Variants in MCF2L2 observed in about 807,000 individuals in gnomAD.
The protein encoded by MCF2L2 is MCF.2 cell line derived transforming sequence-like 2, also known as probable guanine nucleotide exchange factor MCF2L2.
MCF2L2 carries 102 observed loss-of-function variants against 150.2 expected under a neutral mutation model. That is an observed-to-expected ratio of 0.68 (90% CI 0.58 to 0.80). The LOEUF (loss-of-function observed/expected upper bound fraction) is 0.80. Ranked by LOEUF, MCF2L2 falls within the 30% of genes least tolerant of loss-of-function variation. The pLI is 0.00. For synonymous variants in MCF2L2, 465 were observed against 491.3 expected (o/e 0.95, Z 0.71); for missense variants, 1,256 against 1,372.8 (o/e 0.91, Z 1.34).
chr3:183,368,699 G>T (rs1433106243), intron 3 of MCF2L2, among the ~76,000 whole-genome samples: 1 of 152,192 alleles, frequency 6.6e-6, no homozygotes, highest in Non-Finnish European at 1.5e-5. Context: ...AAGAGGCAGA[G>T]GTTGCAGTGA....
rs535503611 is a variant in MCF2L2 at position 183,305,625 on chromosome 3, C to A, written c.1113+4091G>T. 6.6e-6 allele frequency among the ~76,000 whole-genome samples: 1 copy of A among 152,246 alleles called. No individual in the cohort carries two copies. Among genetic ancestry groups the A allele is most frequent in the East Asian group, 1.9e-4 (1 of 5,180 alleles). ...CAGCACTTTGGGAAGCCAAGGCCGG[C>A]GGATCACAAGGTCAGGAGTTAGAGA... On this transcript the variant is annotated intron_variant, in intron 10 of 29. Transcript: ENST00000328913. The surrounding 1 kb of genome is among the most constrained non-coding windows in gnomAD (Gnocchi z 4.1).
intron 1 of MCF2L2, among the ~76,000 whole-genome samples, chr3:183,395,639 C>T (rs1298165048): frequency 2.0e-5 from 3 of 152,054 alleles, no homozygotes; most frequent in Admixed American, 6.6e-5. Flanking sequence ...GAATATTCGG[C>T]GGGGTGCAGT....
At chr3:183,323,022 G>A (rs951480213) in intron 6 of MCF2L2, among the ~76,000 whole-genome samples, 5 of 152,162 alleles carry the variant, frequency 3.3e-5, no homozygotes, top group African/African-American at 7.2e-5. Flanking sequence ...CCCCCACACC[G>A]GGAGATGCAG....
chr3:183,282,817 C>T (rs186033560), intron 14 of MCF2L2, among the ~76,000 whole-genome samples: 3 of 152,298 alleles, frequency 2.0e-5, no homozygotes, highest in African/African-American at 7.2e-5. Context: ...AGCTAGTTTA[C>T]AAATAATTGC....
chr3:183,297,204 G>A, intron 11 of MCF2L2, 37 bp from the exon 12 acceptor site: 1 of 1,577,488 alleles, frequency 6.3e-7, no homozygotes, highest in Non-Finnish European at 8.7e-7. Context: ...CACTTCGCCT[G>A]ACCACAACTC....
At chr3:183,372,897 G>A (rs1160617972) in intron 3 of MCF2L2, 1 of 152,182 alleles carries the variant, frequency 6.6e-6, no homozygotes, top group East Asian at 1.9e-4. Context: ...TTGATTTGTA[G>A]GACCAACAAC....
chr3:183,371,309 T>G (rs1319556007), intron 3 of MCF2L2, among the ~76,000 whole-genome samples: 1 of 152,142 alleles, frequency 6.6e-6, no homozygotes, highest in African/African-American at 2.4e-5. Context: ...CAGCTTGCTC[T>G]TATACATTTT....
chr3:183,280,314 A>G (rs1727396979), intron 14 of MCF2L2, among the ~76,000 whole-genome samples: 1 of 152,178 alleles, frequency 6.6e-6, no homozygotes, highest in Non-Finnish European at 1.5e-5. Flanking sequence ...GGAATTTTGT[A>G]AAAAAATTAT....
intron 6 of MCF2L2, 46 bp from the exon 7 acceptor site, chr3:183,318,263 C>G (rs1415437599): frequency 6.2e-7 from 1 of 1,600,208 alleles, no homozygotes; most frequent in Non-Finnish European, 8.6e-7. Context: ...TTAACATTCA[C>G]CAACATGCTG....
At chr3:183,320,156 G>A (rs1043744826) in intron 6 of MCF2L2, among the ~76,000 whole-genome samples, 6 of 148,916 alleles carry the variant, frequency 4.0e-5, no homozygotes, top group South Asian at 4.2e-4. Context: ...GCAGTGGCGC[G>A]ATCTCAGCTC....
intron 3 of MCF2L2, chr3:183,373,172 C>T (rs1477831734): frequency 6.6e-6 from 1 of 152,172 alleles, no homozygotes; most frequent in Non-Finnish European, 1.5e-5. Context: ...ACTAGTAGTA[C>T]AATTTATATA....
chr3:183,214,786 A>G (rs1452468297), intron 22 of MCF2L2, among the ~76,000 whole-genome samples: 4 of 151,286 alleles, frequency 2.6e-5, no homozygotes, highest in Non-Finnish European at 5.9e-5. Flanking sequence ...GGAGTTCGAG[A>G]CCAGCCTGAC....
At chr3:183,287,175 C>CA (rs1159624877) in intron 14 of MCF2L2, among the ~76,000 whole-genome samples, 5 of 152,080 alleles carry the variant, frequency 3.3e-5, no homozygotes, top group African/African-American at 7.2e-5. Flanking sequence ...ACAACAACAA[C>CA]AAAAAAATAG....
At chr3:183,304,610 C>T (rs1439492123) in intron 10 of MCF2L2, among the ~76,000 whole-genome samples, 1 of 151,536 alleles carries the variant, frequency 6.6e-6, no homozygotes, top group Non-Finnish European at 1.5e-5. Context: ...GGACTATAGG[C>T]GCCCACCACT....
intron 8 of MCF2L2, 152 bp downstream of exon 8, chr3:183,311,496 G>T: frequency 1.2e-6 from 1 of 809,722 alleles, no homozygotes; most frequent in Non-Finnish European, 1.9e-6. Flanking sequence ...CCAGACGGAC[G>T]TATTCTTTTT....
At chr3:183,238,319 G>T (rs900738631) in intron 15 of MCF2L2, among the ~76,000 whole-genome samples, 1 of 150,224 alleles carries the variant, frequency 6.7e-6, no homozygotes, top group Non-Finnish European at 1.5e-5. Context: ...GTTTTGAGAC[G>T]GAGTCTTGCT....
intron 1 of MCF2L2, among the ~76,000 whole-genome samples, chr3:183,426,665 A>G (rs182063670): frequency 2.2e-4 from 33 of 152,300 alleles, no homozygotes; most frequent in African/African-American, 7.5e-4. Flanking sequence ...TTCAACTTTC[A>G]TCATATTGCA....
intron 2 of MCF2L2, among the ~76,000 whole-genome samples, chr3:183,384,344 T>C (rs1307673069): frequency 1.3e-5 from 2 of 152,216 alleles, no homozygotes; most frequent in African/African-American, 4.8e-5. Context: ...GGGGATTAGA[T>C]TGCCTTTGTA....
intron 1 of MCF2L2, among the ~76,000 whole-genome samples, chr3:183,393,802 GCATGCGCT>G (rs1714298921): frequency 6.6e-6 from 1 of 152,236 alleles, no homozygotes; most frequent in Non-Finnish European, 1.5e-5. Flanking sequence ...TGAGAGAGCA[GCATGCGCT>G]CTGGAGCCAG....
Sources: gnomAD v4.1 joint callset for allele counts (sites outside exome capture counted in the v4.1 genomes callset) on GRCh38, gnomAD v4.1.1 for gene constraint, Gnocchi (gnomAD v3.1) non-coding constraint, MANE v1.5 for transcripts, NCBI Gene and HGNC (gene_info 2026-07-23, HGNC 2026-07-21) for gene names.